The following DCX variants were observed in gnomAD, a reference collection of about 807,000 sequenced individuals.
DCX encodes the protein neuronal migration protein doublecortin.
In DCX, 4 loss-of-function variants were observed where a neutral mutation model predicts 20.9. The ratio of observed to expected loss-of-function variants is 0.19; its 90% CI spans 0.09 to 0.44. The LOEUF (loss-of-function observed/expected upper bound fraction) is 0.44, where lower values mean the gene tolerates loss of function less well. Among genes scored for constraint, DCX ranks in the 20% least tolerant of loss-of-function variants. The pLI, the probability that DCX is intolerant of heterozygous loss-of-function variation, is 0.99. For synonymous variants in DCX, 103 were observed against 111.4 expected, an observed-to-expected ratio of 0.92 and a Z score of 0.47; for missense variants, 133 against 296.9, an observed-to-expected ratio of 0.45 and a Z score of 4.06.
intron 5 of DCX, among the ~76,000 whole-genome samples, chrX:111,325,523 G>T (rs1171166657): frequency 8.9e-6 from 1 of 111,764 alleles, no homozygotes; most frequent in Non-Finnish European, 1.9e-5. Flanking sequence ...AACAACTGAG[G>T]TAATAGATTT....
intron 3 of DCX, among the ~76,000 whole-genome samples, chrX:111,369,230 T>A (rs1485891528): frequency 9.0e-6 from 1 of 110,928 alleles, no homozygotes; most frequent in Admixed American, 9.6e-5. Flanking sequence ...ACTCAAATGT[T>A]AATCTCCTTT....
chrX:111,392,647 G>T (rs1927036497), intron 3 of DCX, among the ~76,000 whole-genome samples: 1 of 111,612 alleles, frequency 9.0e-6, no homozygotes, highest in South Asian at 3.8e-4. Flanking sequence ...GTTGCTTAGG[G>T]CTGTGGGGGA....
At chrX:111,386,665 C>T (rs371849504) in intron 3 of DCX, among the ~76,000 whole-genome samples, 1 of 111,067 alleles carries the variant, frequency 9.0e-6, no homozygotes, top group Non-Finnish European at 1.9e-5. Context: ...AATTAACTAC[C>T]ACTAATATAG....
intron 5 of DCX, among the ~76,000 whole-genome samples, chrX:111,318,404 A>G (rs1286148734): frequency 1.9e-5 from 2 of 106,824 alleles, no homozygotes; most frequent in African/African-American, 6.8e-5. Context: ...AATAATAATA[A>G]TAAAACTGAA....
intron 2 of DCX, among the ~76,000 whole-genome samples, chrX:111,404,048 T>TTAAAATAAAATAAAATAAAA (rs10688083): frequency 0.032 from 2,352 of 73,442 alleles, 64 homozygotes; most frequent in East Asian, 0.061. Context: ...AGATTCCGTC[T>TTAAAATAAAATAAAATAAAA]TAAAATAAAA....
chrX:111,378,381 T>C (rs1296205724), intron 3 of DCX, among the ~76,000 whole-genome samples: 1 of 111,502 alleles, frequency 9.0e-6, no homozygotes, highest in Non-Finnish European at 1.9e-5. Context: ...CTAGCAAATC[T>C]AATTTAGCAG....
chrX:111,348,573 G>A (rs781164388), intron 3 of DCX, among the ~76,000 whole-genome samples: 9 of 110,928 alleles, frequency 8.1e-5, no homozygotes, highest in Non-Finnish European at 1.7e-4. Context: ...CTTCCACAAG[G>A]CCCTGGGGAC....
At position 111,393,409 on chromosome X, in the gene DCX, G is replaced by T. The variant is rs182239404; in HGVS notation, c.705+7581C>A. ...ACACATGGGAGAAAATTTTTGAGAT[G>T]TTGGGTTAGGTAAAGATTTCTTAGA... On this transcript the variant is annotated intron_variant, in intron 3 of 6. Coordinates refer to ENST00000636035, the MANE Select transcript of DCX (RefSeq NM_001195553.2). 3.0e-4 allele frequency among the ~76,000 whole-genome samples: 33 copies of T among 111,651 alleles called. No individual in the cohort carries two copies. In the East Asian group the frequency reaches 9.1e-3, roughly 31 times the overall value.
At chrX:111,321,819 A>G (rs1384879141) in intron 5 of DCX, among the ~76,000 whole-genome samples, 1 of 112,330 alleles carries the variant, frequency 8.9e-6, no homozygotes, top group Non-Finnish European at 1.9e-5. Flanking sequence ...GCAGCAGGTT[A>G]CATGAGTCAT....
At chrX:111,387,190 G>C (rs1399566212) in intron 3 of DCX, among the ~76,000 whole-genome samples, 1 of 112,109 alleles carries the variant, frequency 8.9e-6, no homozygotes, top group Non-Finnish European at 1.9e-5. Context: ...AAAGTGCCTA[G>C]GGCCCACAGC....
At chrX:111,312,467 G>C (rs748711390) in intron 6 of DCX, among the ~76,000 whole-genome samples, 172 bp downstream of exon 6, 1 of 112,304 alleles carries the variant, frequency 8.9e-6, no homozygotes, top group South Asian at 3.7e-4. Context: ...ATAAATAAAA[G>C]TGACTAGAAG....
At chrX:111,340,747 G>T (rs866512862) in intron 3 of DCX, among the ~76,000 whole-genome samples, 2 of 111,161 alleles carry the variant, frequency 1.8e-5, no homozygotes, top group South Asian at 3.9e-4. Flanking sequence ...AATAGGGCCT[G>T]AAGTGAACCC....
intron 3 of DCX, among the ~76,000 whole-genome samples, chrX:111,393,061 T>A (rs140450131): frequency 9.0e-6 from 1 of 111,519 alleles, no homozygotes; most frequent in African/African-American, 3.3e-5. Context: ...GTAGAGTACT[T>A]GTATTGTAGA....
chrX:111,339,283 G>A (rs773429037), intron 3 of DCX, among the ~76,000 whole-genome samples: 1 of 111,872 alleles, frequency 8.9e-6, no homozygotes, highest in Non-Finnish European at 1.9e-5. Context: ...ACTCCCCAAT[G>A]TGGCATTATT....
At chrX:111,314,120 T>A (rs1322480915) in intron 5 of DCX, among the ~76,000 whole-genome samples, 1 of 111,661 alleles carries the variant, frequency 9.0e-6, no homozygotes, top group Non-Finnish European at 1.9e-5. Flanking sequence ...GGAAGAGACA[T>A]CAGTGTAGTG....
Position 111,401,193 on chromosome X carries a change from C to A in DCX, c.502G>T (p.Ala168Ser). Residue 168 changes from alanine to serine, a missense_variant, in exon 3 of 7, where the codon GCA (alanine) becomes TCA (serine). Transcript: ENST00000636035. ...APQSLASSNSAQARENKDFVR... is the reference protein window; with the variant it reads ...APQSLASSNSSQARENKDFVR... ...AAGTCCTTGTTCTCCCTGGCCTGTG[C>A]ACTGTTGCTGCTAGCCAAGGACTGG... is the stretch of plus-strand genomic sequence containing the variant. The A allele has an allele frequency of 8.3e-7, 1 of 1,211,626 alleles. No individual in the cohort carries two copies. Among genetic ancestry groups the A allele is most frequent in the Non-Finnish European group, 1.1e-6 (1 of 895,486 alleles).
chrX:111,316,427 T>C (rs2095072401), intron 5 of DCX, among the ~76,000 whole-genome samples: 1 of 110,713 alleles, frequency 9.0e-6, no homozygotes, highest in Non-Finnish European at 1.9e-5. Context: ...AGATGGGGTT[T>C]CACCATATTG....
intron 3 of DCX, among the ~76,000 whole-genome samples, chrX:111,344,867 T>C (rs1238320153): frequency 8.9e-6 from 1 of 111,920 alleles, no homozygotes; most frequent in African/African-American, 3.3e-5. Context: ...CCATTGACAT[T>C]CTTCACAGAA....
Position 111,298,290 on chromosome X carries a change from C to T in DCX, c.*3397G>A, listed in dbSNP as rs1016014441. On this transcript the variant is annotated 3_prime_UTR_variant, in exon 7 of 7. Coordinates refer to ENST00000636035, the MANE Select transcript of DCX (RefSeq NM_001195553.2). ...ACGATGGAGCAGTGATCTCCTGAAT[C>T]AGATGGACAAGGCCAGGGACCCCAT... 8.9e-6 allele frequency: 1 copy of T among 111,776 alleles called. No individual in the cohort carries two copies. The highest frequency in any genetic ancestry group is 1.9e-5 in the Non-Finnish European group (1 of 53,115). The allele number at this position is 111,776 out of a possible 1,213,427, so 9.2% of individuals were successfully genotyped here.
Sources: allele counts gnomAD v4.1 joint callset (sites outside exome capture counted in the v4.1 genomes callset), GRCh38; gene constraint gnomAD v4.1.1; transcripts MANE v1.5; gene names NCBI Gene and HGNC (gene_info 2026-07-23, HGNC 2026-07-21).